Variants in ASNS observed in about 807,000 individuals in gnomAD.
ASNS encodes the protein asparagine synthetase (glutamine-hydrolyzing), also known as asparagine synthetase [glutamine-hydrolyzing].
ASNS carries 37 observed loss-of-function variants against 62.6 expected under a neutral mutation model. The ratio of observed to expected loss-of-function variants is 0.59; its 90% CI spans 0.45 to 0.78. The LOEUF is 0.78. ASNS is among the 30% of genes least tolerant of loss of function. The probability of loss-of-function intolerance (pLI) is 0.00; values close to 1 mark genes in which losing one functional copy is unlikely to be tolerated. For synonymous variants in ASNS, 207 were observed against 237.9 expected, an observed-to-expected ratio of 0.87 and a Z score of 1.19; for missense variants, 520 against 682.4, an observed-to-expected ratio of 0.76 and a Z score of 2.65.
the ASNS span, among the ~76,000 whole-genome samples, chr7:97,878,114 A>G: frequency 1.3e-5 from 2 of 152,190 alleles, no homozygotes; most frequent in Admixed American, 6.5e-5. Context: ...GGCTGGGTGG[A>G]GTGGCTCACA....
chr7:97,874,575 A>G (rs1792400636), upstream of ASNS, among the ~76,000 whole-genome samples: 1 of 152,262 alleles, frequency 6.6e-6, no homozygotes. Context: ...AAATTACAAA[A>G]GTATTAATTT....
chr7:97,886,954 C>A, the ASNS span, among the ~76,000 whole-genome samples: 1 of 152,176 alleles, frequency 6.6e-6, no homozygotes, highest in Non-Finnish European at 1.5e-5. Context: ...AGACACAGCT[C>A]ATGAGTTCAC....
chr7:97,923,991 C>A, the ASNS span, among the ~76,000 whole-genome samples: 1 of 152,118 alleles, frequency 6.6e-6, no homozygotes. Context: ...AAATGACAAC[C>A]TTAATGAAAT....
intron 10 of ASNS, among the ~76,000 whole-genome samples, chr7:97,854,068 G>C (rs181970689): frequency 6.6e-6 from 1 of 152,176 alleles, no homozygotes; most frequent in East Asian, 1.9e-4. Context: ...TAGACAACTA[G>C]AAATGATAAC....
the ASNS span, among the ~76,000 whole-genome samples, chr7:97,883,395 ATTCTTTCT>A: frequency 6.6e-6 from 1 of 152,110 alleles, no homozygotes; most frequent in Non-Finnish European, 1.5e-5. Context: ...TTTTCTTCTC[ATTCTTTCT>A]TACCTTCCCT....
At chr7:97,927,071 CTTTTTTTTTTTTTTTT>C in the ASNS span, among the ~76,000 whole-genome samples, 5 of 40,518 alleles carry the variant, frequency 1.2e-4, no homozygotes, top group African/African-American at 3.5e-4. Flanking sequence ...CCACACCTGG[CTTTTTTTTTTTTTTTT>C]TTTTTTTTTT....
chr7:97,917,316 G>A, the ASNS span, among the ~76,000 whole-genome samples: 51 of 151,514 alleles, frequency 3.4e-4, no homozygotes, highest in African/African-American at 4.8e-4. Context: ...ACACAACCTC[G>A]AGCTTGAAAC....
At chr7:97,895,525 A>AGC in the ASNS span, among the ~76,000 whole-genome samples, 8 of 152,314 alleles carry the variant, frequency 5.3e-5, no homozygotes, top group African/African-American at 1.9e-4. Context: ...TGGGCATGGT[A>AGC]GCTCATGCCT....
the ASNS span, among the ~76,000 whole-genome samples, chr7:97,912,565 C>CTTTTTTTTTTTTTTTTTTTTTTT: frequency 2.4e-5 from 1 of 41,496 alleles, no homozygotes; most frequent in Non-Finnish European, 4.6e-5. Context: ...GTTAACTTTG[C>CTTTTTTTTTTTTTTTTTTTTTTT]TTTTTTTTTT....
the ASNS span, among the ~76,000 whole-genome samples, chr7:97,886,883 A>G: frequency 6.6e-6 from 1 of 152,242 alleles, no homozygotes; most frequent in East Asian, 1.9e-4. Flanking sequence ...GAATTTATTT[A>G]GAACGTTGGC....
At chr7:97,873,892 T>C (rs1792380516), upstream of ASNS, among the ~76,000 whole-genome samples, 1 of 151,996 alleles carries the variant, frequency 6.6e-6, no homozygotes, top group Admixed American at 6.6e-5. Context: ...TCAGGGAGAG[T>C]GTGCAAAGGC....
At chr7:97,914,519 C>T in the ASNS span, among the ~76,000 whole-genome samples, 1 of 134,198 alleles carries the variant, frequency 7.5e-6, no homozygotes, top group African/African-American at 2.5e-5. Flanking sequence ...CATGTTGCTG[C>T]CATGCTAGAC....
At chr7:97,894,163 T>A in the ASNS span, among the ~76,000 whole-genome samples, 2 of 152,068 alleles carry the variant, frequency 1.3e-5, no homozygotes, top group Admixed American at 6.6e-5. Flanking sequence ...ATCAAAAATT[T>A]TTTTTAAACA....
chr7:97,887,837 T>A, the ASNS span, among the ~76,000 whole-genome samples: 1 of 152,270 alleles, frequency 6.6e-6, no homozygotes, highest in Non-Finnish European at 1.5e-5. Flanking sequence ...TTTTAACCAA[T>A]TTTTAATAGC....
At chr7:97,855,574 TAATATA>T (rs1245455087) in intron 8 of ASNS, 115 bp from the exon 9 acceptor site, 1 of 603,100 alleles carries the variant, frequency 1.7e-6, no homozygotes, top group Non-Finnish European at 2.8e-6. Flanking sequence ...GACTTCATAT[TAATATA>T]AAGTAGTTTC....
the ASNS span, among the ~76,000 whole-genome samples, chr7:97,891,322 C>A: frequency 6.6e-6 from 1 of 152,176 alleles, no homozygotes; most frequent in Non-Finnish European, 1.5e-5. Flanking sequence ...CAGGTCCCTC[C>A]CACAACATGT....
rs1161260508 is a variant in ASNS, at chr7:97,872,381, G to C, written c.-90C>G. On this transcript the variant is annotated 5_prime_UTR_variant, in exon 1 of 13. Transcript: ENST00000394308. ...CGTAAGCAGGTCAGGGTGATGTGGCGGGCTGAGGCCAGGGATGTGGACAGC... is the reference window on the plus strand; with the variant it reads ...CGTAAGCAGGTCAGGGTGATGTGGCCGGCTGAGGCCAGGGATGTGGACAGC... The C allele has an allele frequency of 1.3e-5, 2 of 152,804 alleles. No individual in the cohort carries two copies. Among genetic ancestry groups the C allele is most frequent in the Admixed American group, 6.5e-5 (1 of 15,292 alleles). 9.5% of individuals were successfully genotyped at this position (152,804 alleles called of 1,614,324 possible).
chr7:97,925,997 C>T, the ASNS span, among the ~76,000 whole-genome samples: 1 of 151,954 alleles, frequency 6.6e-6, no homozygotes, highest in African/African-American at 2.4e-5. Flanking sequence ...TATGGATACA[C>T]AAGAAGCCTG....
At chr7:97,859,172 C>A in intron 5 of ASNS, 41 bp downstream of exon 5, 1 of 1,555,468 alleles carries the variant, frequency 6.4e-7, no homozygotes, top group Admixed American at 2.1e-5. Context: ...ATTTTTTTCC[C>A]TTGGAGAAGG....
Sources: allele counts gnomAD v4.1 joint callset (sites outside exome capture counted in the v4.1 genomes callset), GRCh38; gene constraint gnomAD v4.1.1; transcripts MANE v1.5; gene names NCBI Gene and HGNC (gene_info 2026-07-23, HGNC 2026-07-21).